The following SLC35F3 variants were observed in gnomAD, a reference collection of about 807,000 sequenced individuals.
SLC35F3 encodes putative thiamine transporter SLC35F3.
SLC35F3 carries 25 observed loss-of-function variants against 49.9 expected under a neutral mutation model. The observed-to-expected ratio is 0.50, with a 90% CI of 0.37 to 0.70. The LOEUF is 0.70. SLC35F3 is among the 30% of genes least tolerant of loss of function. The pLI is 0.00. For synonymous variants in SLC35F3, 275 were observed against 265.4 expected (o/e 1.04, Z -0.35); for missense variants, 525 against 639.8 (o/e 0.82, Z 1.94).
At chr1:234,243,014 G>T (rs955615073) in intron 3 of SLC35F3, among the ~76,000 whole-genome samples, 2 of 152,158 alleles carry the variant, frequency 1.3e-5, no homozygotes, top group South Asian at 2.1e-4. Context: ...ATGAATTAGT[G>T]GGGGAGTAGG....
chr1:234,135,701 A>C (rs916521250), intron 2 of SLC35F3, among the ~76,000 whole-genome samples: 1 of 152,272 alleles, frequency 6.6e-6, no homozygotes, highest in Non-Finnish European at 1.5e-5. Flanking sequence ...CTCAGTACTC[A>C]GGTCTTTACT....
At chr1:234,216,756 G>T (rs763990201) in intron 2 of SLC35F3, among the ~76,000 whole-genome samples, 4 of 152,174 alleles carry the variant, frequency 2.6e-5, no homozygotes, top group African/African-American at 9.7e-5. Flanking sequence ...CTCAGTTTCC[G>T]CAAACGTAAA....
chr1:234,010,308 A>G (rs549345599), intron 2 of SLC35F3, among the ~76,000 whole-genome samples: 1 of 152,192 alleles, frequency 6.6e-6, no homozygotes, highest in Non-Finnish European at 1.5e-5. Flanking sequence ...AAGATGTTTT[A>G]TGTAAGTCTC....
In SLC35F3 at chr1:233,941,842, A is replaced by G. The variant is rs146958635; in HGVS notation, c.283+36084A>G. Reference sequence around the variant, plus strand: ...AGAAAACTGCACCCATTTAATGTACACTATCTGATGAGTCTGAATGTATGC... The same window carrying G: ...AGAAAACTGCACCCATTTAATGTACGCTATCTGATGAGTCTGAATGTATGC... On this transcript the variant is annotated intron_variant, in intron 2 of 7. Transcript: ENST00000366618. Among the ~76,000 whole-genome samples, 1,062 of 152,284 alleles carry G rather than the reference A, an allele frequency of 7.0e-3. 11 individuals carry two copies. The highest frequency in any genetic ancestry group is 0.021 in the African/African-American group (863 of 41,564).
intron 2 of SLC35F3, among the ~76,000 whole-genome samples, chr1:234,095,528 C>A (rs138310441): frequency 2.0e-5 from 3 of 152,304 alleles, no homozygotes; most frequent in Non-Finnish European, 4.4e-5. Flanking sequence ...TTCAGTTAGG[C>A]TTGTTTGTAA....
chr1:233,925,185 C>T (rs1268711198), intron 2 of SLC35F3, among the ~76,000 whole-genome samples: 4 of 152,024 alleles, frequency 2.6e-5, no homozygotes, highest in Admixed American at 6.6e-5. Context: ...TCCTGGATAT[C>T]CTTGTTAACT....
chr1:234,151,932 C>A (rs1666080229), intron 2 of SLC35F3, among the ~76,000 whole-genome samples: 1 of 151,952 alleles, frequency 6.6e-6, no homozygotes, highest in Admixed American at 6.6e-5. Context: ...TAAGGGATTT[C>A]TGTTTGCCGT....
chr1:234,159,442 T>G (rs534543080), intron 2 of SLC35F3, among the ~76,000 whole-genome samples: 4 of 152,122 alleles, frequency 2.6e-5, no homozygotes, highest in African/African-American at 9.6e-5. Context: ...CTGGGCGTGG[T>G]GGCAGGTGCC....
intron 2 of SLC35F3, among the ~76,000 whole-genome samples, chr1:233,929,999 A>G (rs918669277): frequency 6.6e-6 from 1 of 152,102 alleles, no homozygotes; most frequent in Non-Finnish European, 1.5e-5. Context: ...GAGGAATTTT[A>G]AGAGCTAGGT....
chr1:234,247,714 G>A (rs1667658028), intron 3 of SLC35F3, among the ~76,000 whole-genome samples: 1 of 151,786 alleles, frequency 6.6e-6, no homozygotes, highest in Non-Finnish European at 1.5e-5. Flanking sequence ...TGGGTTGGTT[G>A]GCTGGTCCAT....
intron 3 of SLC35F3, among the ~76,000 whole-genome samples, chr1:234,264,291 G>C (rs1333029891): frequency 1.3e-5 from 2 of 152,220 alleles, no homozygotes; most frequent in Non-Finnish European, 2.9e-5. Flanking sequence ...CACTCCAGCA[G>C]TTGTTCCCAC....
At chr1:233,932,761 G>A (rs1046700642) in intron 2 of SLC35F3, among the ~76,000 whole-genome samples, 5 of 152,132 alleles carry the variant, frequency 3.3e-5, no homozygotes, top group South Asian at 2.1e-4. Context: ...AATCAGAACC[G>A]GAAAATGAGA....
chr1:234,129,334 T>C (rs1057206619), intron 2 of SLC35F3, among the ~76,000 whole-genome samples: 3 of 152,118 alleles, frequency 2.0e-5, no homozygotes, highest in Admixed American at 2.0e-4. Flanking sequence ...AAAGTAATAC[T>C]ACAATAGACT....
intron 2 of SLC35F3, among the ~76,000 whole-genome samples, chr1:234,229,502 A>C (rs918688436): frequency 2.0e-5 from 3 of 152,244 alleles, no homozygotes; most frequent in African/African-American, 7.2e-5. Flanking sequence ...ATCACTGCCT[A>C]GTTTGCTAAG....
intron 2 of SLC35F3, among the ~76,000 whole-genome samples, chr1:234,122,815 T>C (rs1665595871): frequency 6.6e-6 from 1 of 152,226 alleles, no homozygotes; most frequent in Non-Finnish European, 1.5e-5. Flanking sequence ...TTTTTATGGC[T>C]GTATAGTATT....
intron 2 of SLC35F3, among the ~76,000 whole-genome samples, chr1:234,192,470 A>G (rs746922683): frequency 4.6e-5 from 7 of 152,242 alleles, no homozygotes; most frequent in Non-Finnish European, 8.8e-5. Context: ...AAAACTGTCT[A>G]TGACAAATCC....
At chr1:234,106,976 T>A (rs1001936056) in intron 2 of SLC35F3, among the ~76,000 whole-genome samples, 2 of 152,224 alleles carry the variant, frequency 1.3e-5, no homozygotes, top group Admixed American at 1.3e-4. Context: ...TTTAATCATC[T>A]CCATTGGCAA....
In SLC35F3 at chr1:234,320,326, A is replaced by G; in HGVS notation, c.1237+139A>G. ...CACACACTCATGCATACACACACAC[A>G]CACATACTCTCACATACATACTCAC... On this transcript the variant is annotated intron_variant, in intron 7 of 7. Transcript: ENST00000366618. The surrounding 1 kb of genome is among the most constrained non-coding windows in gnomAD (Gnocchi z 4.8). 1 of 655,878 alleles carries G rather than the reference A, an allele frequency of 1.5e-6. No individual in the cohort carries two copies. The allele number at this position is 655,878 out of a possible 1,614,324, so 40.6% of individuals were successfully genotyped here. A position where few individuals can be genotyped will look rare whatever the true frequency, so the allele number is the denominator to read the frequency against.
chr1:234,011,780 G>A (rs1244409285), intron 2 of SLC35F3, among the ~76,000 whole-genome samples: 4 of 152,106 alleles, frequency 2.6e-5, no homozygotes, highest in Admixed American at 1.3e-4. Flanking sequence ...CACTATTCAA[G>A]GACCTGCTGT....
Sources: gnomAD v4.1 joint callset for allele counts (sites outside exome capture counted in the v4.1 genomes callset) on GRCh38, gnomAD v4.1.1 for gene constraint, Gnocchi (gnomAD v3.1) non-coding constraint, MANE v1.5 for transcripts, NCBI Gene and HGNC (gene_info 2026-07-23, HGNC 2026-07-21) for gene names.